PTPRS: variants seen among roughly 807,000 people sequenced by gnomAD.
PTPRS encodes protein tyrosine phosphatase receptor type S.
In PTPRS, 63 loss-of-function variants were observed where a neutral mutation model predicts 215.3. The observed-to-expected ratio is 0.29, with a 90% CI of 0.24 to 0.36. The LOEUF is 0.36. Among genes scored for constraint, PTPRS ranks in the 10% least tolerant of loss-of-function variants. The pLI, the probability that PTPRS is intolerant of heterozygous loss-of-function variation, is 1.00. For missense variants in PTPRS, 2,258 were observed against 2,825.8 expected (o/e 0.80, Z 4.56); for synonymous variants, 1,404 against 1,191.4 (o/e 1.18, Z -3.68).
intron 19 of PTPRS, among the ~76,000 whole-genome samples, 198 bp downstream of exon 19, chr19:5,221,925 T>C (rs546339277): frequency 6.6e-6 from 1 of 152,270 alleles, no homozygotes; most frequent in African/African-American, 2.4e-5. Flanking sequence ...TGAACCTCAG[T>C]TCCAGCTGAT....
intron 1 of PTPRS, among the ~76,000 whole-genome samples, chr19:5,304,732 G>A (rs1877129549): frequency 6.6e-6 from 1 of 152,164 alleles, no homozygotes; most frequent in Non-Finnish European, 1.5e-5. Context: ...TGTCTAAGAT[G>A]AGAAGGATGG....
At chr19:5,255,666 G>A (rs1471449489) in intron 9 of PTPRS, among the ~76,000 whole-genome samples, 2 of 152,164 alleles carry the variant, frequency 1.3e-5, no homozygotes, top group East Asian at 3.9e-4. Context: ...CACTCCAACA[G>A]AAGGCGTTGG....
chr19:5,215,630 A>G, intron 26 of PTPRS, 35 bp from the exon 27 acceptor site: 1 of 1,429,994 alleles, frequency 7.0e-7, no homozygotes, highest in South Asian at 1.3e-5. Flanking sequence ...GGGGTTGGTC[A>G]CTTGGGGGGC....
intron 1 of PTPRS, among the ~76,000 whole-genome samples, chr19:5,317,317 CA>C (rs2049903996): frequency 1.3e-5 from 2 of 152,002 alleles, no homozygotes; most frequent in African/African-American, 4.8e-5. Flanking sequence ...AGTAAAAATA[CA>C]AAAATTAGCC....
rs1366794893 is a variant in PTPRS at position 5,244,045 on chromosome 19, G to T, written c.1426C>A (p.Gln476Lys). The T allele has an allele frequency of 1.2e-6, 2 of 1,610,098 alleles. No individual in the cohort carries two copies. Among genetic ancestry groups the T allele is most frequent in the Non-Finnish European group, 1.7e-6 (2 of 1,179,922 alleles). The change falls in exon 11 of 38, where the codon CAG becomes AAG. Residue 476 changes from glutamine to lysine, a missense_variant. Physicochemically the swap from Gln to Lys is moderately conservative, Grantham distance 53. This residue lies in a region of PTPRS where 508 missense variants were observed against 799.4 expected (regional missense o/e 0.64). Transcript: ENST00000262963. This position sits in a 1 kb window ranked among gnomAD's most constrained non-coding sequence, Gnocchi z 7.2. ...AGGCTGTCGTCCACGTTGTGCTTCT[G>T]CCAGTTGCCCACGGGGTGCTCCGGT... Reference protein sequence around the residue: ...MEPEHPVGNWQKHNVDDSLLT... With the variant: ...MEPEHPVGNWKKHNVDDSLLT...
chr19:5,232,978 G>A (rs1181556225), intron 13 of PTPRS, among the ~76,000 whole-genome samples: 3 of 149,444 alleles, frequency 2.0e-5, no homozygotes, highest in African/African-American at 7.4e-5. Context: ...CAAGGGGAGC[G>A]GCAACAGAAG....
chr19:5,233,982 T>C (rs1171513880), intron 13 of PTPRS, among the ~76,000 whole-genome samples: 1 of 48,862 alleles, frequency 2.0e-5, no homozygotes, highest in Non-Finnish European at 4.9e-5. Context: ...AAAAAATCTA[T>C]ATGTCACACA....
At chr19:5,298,732 C>T (rs1419601587) in intron 1 of PTPRS, among the ~76,000 whole-genome samples, 1 of 152,240 alleles carries the variant, frequency 6.6e-6, no homozygotes, top group Admixed American at 6.5e-5. Flanking sequence ...CCATGTCTGC[C>T]TTTTTCACCT....
chr19:5,212,078 C>T lies in PTPRS; in HGVS notation c.4942G>A (p.Ala1648Thr). 6 of 1,614,066 alleles carry T rather than the reference C, an allele frequency of 3.7e-6. No individual in the cohort carries two copies. Among genetic ancestry groups the T allele is most frequent in the African/African-American group, 1.3e-5 (1 of 75,078 alleles). Residue 1648 changes from alanine to threonine, a missense_variant, in exon 32 of 38, where the codon GCC becomes ACC. Physicochemically the swap from Ala to Thr is moderately conservative, Grantham distance 58. Transcript: ENST00000262963. ...YSFIHEALLE[A>T]VGCGNTEVPA... ...ACTTCTGTGTTGCCACAGCCCACGG[C>T]CTCCAGCAGGGCCTCGTGGATGAAG...
chr19:5,309,123 G>C (rs1334426191), intron 1 of PTPRS, among the ~76,000 whole-genome samples: 2 of 152,166 alleles, frequency 1.3e-5, no homozygotes, highest in Admixed American at 6.5e-5. Flanking sequence ...AACTGGAGCT[G>C]GCAGCTCCGG....
Position 5,222,813 on chromosome 19 carries a change from G to C in PTPRS, c.2979C>G (p.Asn993Lys). Residue 993 changes from asparagine to lysine, a missense_variant, in exon 18 of 38, where the codon AAC (asparagine) becomes AAG (lysine). Transcript: ENST00000262963. Reference protein sequence around the residue: ...LPAAAEPGAENALTLQGLKPD... With the variant: ...LPAAAEPGAEKALTLQGLKPD... ...GCTTCAGGCCCTGCAGCGTGAGCGC[G>C]TTCTCCGCGCCCGGCTCAGCCGCTG... 1 of 1,597,068 alleles carries C rather than the reference G, an allele frequency of 6.3e-7. No individual in the cohort carries two copies. Among genetic ancestry groups the C allele is most frequent in the Non-Finnish European group, 8.5e-7 (1 of 1,177,960 alleles).
intron 7 of PTPRS, among the ~76,000 whole-genome samples, chr19:5,258,756 A>G (rs1857916529): frequency 6.6e-6 from 1 of 152,234 alleles, no homozygotes; most frequent in Non-Finnish European, 1.5e-5. Context: ...AGGCAGCTAA[A>G]GTAAAAAAAC....
At chr19:5,233,627 C>T (rs1264381077) in intron 13 of PTPRS, among the ~76,000 whole-genome samples, 1 of 151,524 alleles carries the variant, frequency 6.6e-6, no homozygotes, top group Non-Finnish European at 1.5e-5. Context: ...AAGCATTGTG[C>T]CAAGGGCTTC....
intron 18 of PTPRS, 31 bp from the exon 19 acceptor site, chr19:5,222,251 G>A: frequency 2.5e-6 from 4 of 1,570,144 alleles, no homozygotes; most frequent in South Asian, 1.1e-5. Flanking sequence ...CAGGGAGAGA[G>A]CAGAAGAGAG....
rs141768779 is a variant in PTPRS at position 5,322,751 on chromosome 19, C to T, written c.-95+17913G>A. ...AAAATTAGCCGGGCATGGTGGCGCA[C>T]GCCTATAATCCCAGCTATTCGAGAG... On this transcript the variant is annotated intron_variant, in intron 1 of 37. Transcript: ENST00000262963. Among the ~76,000 whole-genome samples the T allele has an allele frequency of 5.9e-5, 9 of 151,602 alleles. No individual in the cohort carries two copies. The South Asian group carries it at 6.3e-4, about 11-fold the overall frequency.
At chr19:5,238,768 G>A in intron 13 of PTPRS, 151 bp downstream of exon 13, 3 of 1,116,336 alleles carry the variant, frequency 2.7e-6, no homozygotes, top group Non-Finnish European at 3.6e-6. Flanking sequence ...GCGGGTAGAT[G>A]GATCCGAGGT....
chr19:5,214,257 T>C, intron 30 of PTPRS, 104 bp downstream of exon 30: 2 of 1,508,578 alleles, frequency 1.3e-6, no homozygotes, highest in Admixed American at 1.8e-5. Context: ...CGCTCCGCTT[T>C]CTCTCTGTCC....
chr19:5,207,703 C>T (rs2040491676), intron 37 of PTPRS, among the ~76,000 whole-genome samples: 1 of 152,206 alleles, frequency 6.6e-6, no homozygotes. Flanking sequence ...CCATCTCTGT[C>T]CACTCCAAGG....
intron 26 of PTPRS, among the ~76,000 whole-genome samples, 199 bp downstream of exon 26, chr19:5,216,521 C>T (rs2041472755): frequency 6.6e-6 from 1 of 152,174 alleles, no homozygotes; most frequent in Admixed American, 6.5e-5. Flanking sequence ...ACACCACACA[C>T]ACAGCAGTCA....
Sources: gnomAD v4.1 joint callset for allele counts (sites outside exome capture counted in the v4.1 genomes callset) on GRCh38, gnomAD v4.1.1 for gene constraint, gnomAD v4.1.1 regional missense constraint, Gnocchi (gnomAD v3.1) non-coding constraint, MANE v1.5 for transcripts, NCBI Gene and HGNC (gene_info 2026-07-23, HGNC 2026-07-21) for gene names.